The following CTNNA2 variants were observed in gnomAD, a reference collection of about 807,000 sequenced individuals.
CTNNA2 encodes the protein catenin alpha 2.
In CTNNA2, 42 loss-of-function variants were observed where a neutral mutation model predicts 101.0. The observed-to-expected ratio is 0.42, with a 90% CI of 0.32 to 0.54. The LOEUF (loss-of-function observed/expected upper bound fraction) is 0.54, where lower values mean the gene tolerates loss of function less well. Ranked by LOEUF, CTNNA2 falls within the 20% of genes least tolerant of loss-of-function variation. The pLI is 0.14. For missense variants in CTNNA2, 871 were observed against 1,223.1 expected (o/e 0.71, Z 4.29); for synonymous variants, 450 against 456.4 (o/e 0.99, Z 0.18).
chr2:79,292,296 G>A (rs1487584178), intron 2 of CTNNA2, among the ~76,000 whole-genome samples: 1 of 152,122 alleles, frequency 6.6e-6, no homozygotes, highest in Non-Finnish European at 1.5e-5. Context: ...GCTAAAAACT[G>A]AATGCTATTT....
intron 2 of CTNNA2, among the ~76,000 whole-genome samples, chr2:79,220,701 C>G (rs1437789035): frequency 6.6e-6 from 1 of 152,118 alleles, no homozygotes; most frequent in African/African-American, 2.4e-5. Context: ...AATCTCTCCT[C>G]ATAGAAACTG....
At chr2:79,858,910 C>T (rs917316752) in intron 4 of CTNNA2, among the ~76,000 whole-genome samples, 1 of 151,610 alleles carries the variant, frequency 6.6e-6, no homozygotes, top group African/African-American at 2.4e-5. Context: ...TTAAGGCTAC[C>T]TCCCCAGTCC....
chr2:79,536,075 A>G (rs1229859354), intron 1 of CTNNA2, among the ~76,000 whole-genome samples: 1 of 152,202 alleles, frequency 6.6e-6, no homozygotes, highest in East Asian at 1.9e-4. Context: ...CACAGCAGGG[A>G]AGAAGATTCG....
chr2:80,114,698 A>C (rs2148866869), intron 7 of CTNNA2, among the ~76,000 whole-genome samples: 1 of 152,338 alleles, frequency 6.6e-6, no homozygotes, highest in South Asian at 2.1e-4. Context: ...CCCCATAATC[A>C]GACTTTCCAC....
chr2:79,449,525 A>T (rs1678866747), intron 4 of CTNNA2, among the ~76,000 whole-genome samples: 1 of 152,058 alleles, frequency 6.6e-6, no homozygotes, highest in African/African-American at 2.4e-5. Context: ...GGAGGAATAT[A>T]TTGGCACATA....
At chr2:79,891,758 T>A (rs1270320654) in intron 6 of CTNNA2, among the ~76,000 whole-genome samples, 1 of 152,114 alleles carries the variant, frequency 6.6e-6, no homozygotes, top group East Asian at 1.9e-4. Context: ...ACCTTAGAAA[T>A]TAGTTTTCCT....
chr2:80,574,092 C>A, intron 12 of CTNNA2, 71 bp from the exon 13 acceptor site: 2 of 1,515,946 alleles, frequency 1.3e-6, no homozygotes, highest in Non-Finnish European at 9.0e-7. Context: ...CCTGCCACTT[C>A]GCCCAAGAGC....
chr2:79,650,172 TCGGG>T (rs781319308), intron 1 of CTNNA2, among the ~76,000 whole-genome samples: 1 of 6,984 alleles, frequency 1.4e-4, no homozygotes, highest in African/African-American at 3.0e-4. Flanking sequence ...GTATACTTTT[TCGGG>T]GGGGGGGGGG....
chr2:79,644,595 G>A (rs887453938), intron 1 of CTNNA2, among the ~76,000 whole-genome samples: 1 of 152,120 alleles, frequency 6.6e-6, no homozygotes, highest in African/African-American at 2.4e-5. Context: ...CTCACTAGCT[G>A]GCCCAGCTTT....
At chr2:80,343,902 T>G (rs1672468985) in intron 7 of CTNNA2, among the ~76,000 whole-genome samples, 1 of 152,188 alleles carries the variant, frequency 6.6e-6, no homozygotes, top group African/African-American at 2.4e-5. Context: ...CACTTATATA[T>G]ATAACTTGAC....
At chr2:79,242,884 G>A (rs544663494) in intron 2 of CTNNA2, among the ~76,000 whole-genome samples, 1 of 151,320 alleles carries the variant, frequency 6.6e-6, no homozygotes, top group East Asian at 2.0e-4. Context: ...AGGAGGATTC[G>A]TTGAGGGGGG....
intron 7 of CTNNA2, among the ~76,000 whole-genome samples, chr2:80,387,947 A>G (rs1038606029): frequency 1.3e-5 from 2 of 152,196 alleles, no homozygotes; most frequent in African/African-American, 4.8e-5. Context: ...TAATAACGAT[A>G]TTTATTAAAT....
intron 7 of CTNNA2, among the ~76,000 whole-genome samples, chr2:80,087,309 C>A (rs1232532994): frequency 6.6e-6 from 1 of 152,002 alleles, no homozygotes; most frequent in Non-Finnish European, 1.5e-5. Context: ...CATCACTGGA[C>A]AACTCCCATC....
chr2:80,385,305 A>G (rs185522982), intron 7 of CTNNA2, among the ~76,000 whole-genome samples: 1 of 151,664 alleles, frequency 6.6e-6, no homozygotes, highest in African/African-American at 2.4e-5. Flanking sequence ...GAGGGTGGAG[A>G]TCTCCCGAAT....
intron 4 of CTNNA2, among the ~76,000 whole-genome samples, chr2:79,435,915 T>C (rs1678708308): frequency 6.6e-6 from 1 of 152,206 alleles, no homozygotes; most frequent in African/African-American, 2.4e-5. Context: ...ATACTAAGGT[T>C]AATACCAATT....
intron 2 of CTNNA2, among the ~76,000 whole-genome samples, chr2:79,239,403 G>T (rs191634798): frequency 3.7e-4 from 57 of 152,184 alleles, no homozygotes; most frequent in African/African-American, 1.3e-3. Flanking sequence ...GGGAGAACTG[G>T]CTAGCCATGT....
At chr2:80,169,200 C>T (rs556750389) in intron 7 of CTNNA2, among the ~76,000 whole-genome samples, 2 of 152,316 alleles carry the variant, frequency 1.3e-5, no homozygotes, top group South Asian at 4.1e-4. Flanking sequence ...ATGGATCCCC[C>T]AAATGCTGTT....
At chr2:79,625,405 G>T (rs1679242041) in intron 1 of CTNNA2, among the ~76,000 whole-genome samples, 1 of 152,072 alleles carries the variant, frequency 6.6e-6, no homozygotes, top group African/African-American at 2.4e-5. Flanking sequence ...GTCATATTAG[G>T]GGGCTGGGAA....
chr2:80,417,576 G>A (rs1680154619), intron 8 of CTNNA2, among the ~76,000 whole-genome samples: 1 of 151,478 alleles, frequency 6.6e-6, no homozygotes, highest in Non-Finnish European at 1.5e-5. Context: ...TTCATTCTTA[G>A]TCTTTTTCAA....
Sources: allele counts gnomAD v4.1 joint callset (sites outside exome capture counted in the v4.1 genomes callset), GRCh38; gene constraint gnomAD v4.1.1; transcripts MANE v1.5; gene names NCBI Gene and HGNC (gene_info 2026-07-23, HGNC 2026-07-21).